Variants in NELL1 observed in about 807,000 individuals in gnomAD.
The protein encoded by NELL1 is neural EGFL like 1.
NELL1 carries 76 observed loss-of-function variants against 107.4 expected under a neutral mutation model. That is an observed-to-expected ratio of 0.71 (90% confidence interval 0.59 to 0.86). NELL1 has a LOEUF of 0.86. Ranked by LOEUF, NELL1 falls within the 40% of genes least tolerant of loss-of-function variation. The pLI is 0.00. For synonymous variants in NELL1, 353 were observed against 341.2 expected (o/e 1.03, Z -0.38); for missense variants, 1,024 against 1,005.5 (o/e 1.02, Z -0.25).
intron 14 of NELL1, among the ~76,000 whole-genome samples, chr11:21,330,986 A>G (rs1208293073): frequency 2.6e-5 from 4 of 151,966 alleles, no homozygotes; most frequent in African/African-American, 9.7e-5. Context: ...ACCCACTCAA[A>G]TCAGTTTTTG....
intron 14 of NELL1, among the ~76,000 whole-genome samples, chr11:21,318,074 T>C (rs1033613161): frequency 2.6e-5 from 4 of 152,166 alleles, no homozygotes; most frequent in Non-Finnish European, 5.9e-5. Flanking sequence ...TATGGTGGTA[T>C]ATGTCAATTG....
chr11:21,351,843 T>C (rs1424002173), intron 14 of NELL1, among the ~76,000 whole-genome samples: 5 of 152,196 alleles, frequency 3.3e-5, no homozygotes, highest in Non-Finnish European at 7.3e-5. Context: ...TATTGAAACC[T>C]AAGTAACATA....
At chr11:21,290,294 G>A (rs1206290237) in intron 14 of NELL1, among the ~76,000 whole-genome samples, 9 of 151,924 alleles carry the variant, frequency 5.9e-5, no homozygotes, top group East Asian at 1.9e-4. Context: ...GCGTGAACCC[G>A]GGAGGTGGAG....
chr11:20,814,229 C>T (rs1226438003), intron 3 of NELL1, among the ~76,000 whole-genome samples: 1 of 152,098 alleles, frequency 6.6e-6, no homozygotes, highest in Non-Finnish European at 1.5e-5. Context: ...CTCCTGACCT[C>T]GTGATCCGCC....
chr11:20,755,550 G>GTTTTTTTTTTTTTT (rs1226891368), intron 2 of NELL1, among the ~76,000 whole-genome samples: 6 of 114,568 alleles, frequency 5.2e-5, no homozygotes, highest in African/African-American at 2.2e-4. Context: ...GTTTTTTTTT[G>GTTTTTTTTTTTTTT]TTTTTGTTTT....
At chr11:20,703,684 A>C (rs1018290891) in intron 2 of NELL1, among the ~76,000 whole-genome samples, 1 of 152,196 alleles carries the variant, frequency 6.6e-6, no homozygotes, top group African/African-American at 2.4e-5. Context: ...AATGTGTCCC[A>C]GAGATTCTGG....
At chr11:21,483,847 T>C (rs1273677419) in intron 15 of NELL1, among the ~76,000 whole-genome samples, 1 of 129,512 alleles carries the variant, frequency 7.7e-6, no homozygotes, top group Non-Finnish European at 1.6e-5. Context: ...AAATTATATA[T>C]AGTATATATA....
intron 15 of NELL1, among the ~76,000 whole-genome samples, chr11:21,373,724 C>A (rs1851405711): frequency 6.6e-6 from 1 of 152,076 alleles, no homozygotes; most frequent in Non-Finnish European, 1.5e-5. Context: ...ATTTCAGTAA[C>A]CTTAAACTTT....
At chr11:20,672,249 G>A (rs927376136) in intron 1 of NELL1, among the ~76,000 whole-genome samples, 1 of 152,188 alleles carries the variant, frequency 6.6e-6, no homozygotes, top group East Asian at 1.9e-4. Context: ...AACAAAGGCT[G>A]GCTTGTGATT....
rs1316194017 is a variant in NELL1 at position 21,290,388 on chromosome 11, A to AAATAAAATAGAT, written c.1549+60936_1549+60937insTAAAATAGATAA. On this transcript the variant is annotated intron_variant, in intron 14 of 19. Transcript: ENST00000357134. ...CATCTCAAAAAATAAATAAATAAAT[A>AAATAAAATAGAT]AAATAAATAGATAAATAAATAAATA... Among the ~76,000 whole-genome samples, 31 of 107,322 alleles carry AAATAAAATAGAT rather than the reference A, an allele frequency of 2.9e-4. 1 individual carries two copies. The highest frequency in any genetic ancestry group is 1.1e-3 in the African/African-American group (29 of 27,586). The allele number at this position is 107,322 out of a possible 152,430, so 70.4% of individuals were successfully genotyped here.
intron 15 of NELL1, among the ~76,000 whole-genome samples, chr11:21,469,836 G>C (rs1043294403): frequency 6.6e-6 from 1 of 152,050 alleles, no homozygotes; most frequent in African/African-American, 2.4e-5. Flanking sequence ...CATTGTACAA[G>C]TATAAGTAGC....
chr11:20,755,865 GTTTTTTTTTTTTTT>G (rs574606148), intron 2 of NELL1, among the ~76,000 whole-genome samples: 20 of 122,064 alleles, frequency 1.6e-4, no homozygotes, highest in Non-Finnish European at 2.5e-4. Flanking sequence ...CAGACCTGCG[GTTTTTTTTTTTTTT>G]TTTTTTTTTT....
intron 2 of NELL1, among the ~76,000 whole-genome samples, chr11:20,777,828 G>A (rs1287910924): frequency 2.0e-5 from 3 of 148,502 alleles, no homozygotes; most frequent in Non-Finnish European, 3.0e-5. Context: ...TGCATTTTTT[G>A]TTTATATGTT....
chr11:21,458,097 C>T (rs1417465935), intron 15 of NELL1, among the ~76,000 whole-genome samples: 4 of 151,952 alleles, frequency 2.6e-5, no homozygotes, highest in Non-Finnish European at 5.9e-5. Flanking sequence ...AGATGGTATC[C>T]GAAGAGAGAC....
At chr11:21,558,399 A>AATATAT (rs58550867) in intron 16 of NELL1, among the ~76,000 whole-genome samples, 28 of 149,490 alleles carry the variant, frequency 1.9e-4, no homozygotes, top group Middle Eastern at 3.4e-3. Flanking sequence ...CAAGCTACAT[A>AATATAT]ATATATATAT....
At chr11:20,781,622 C>T (rs12271562) in intron 2 of NELL1, among the ~76,000 whole-genome samples, 1 of 152,030 alleles carries the variant, frequency 6.6e-6, no homozygotes, top group Non-Finnish European at 1.5e-5. Context: ...CAGTTGATTT[C>T]TAATTGATGA....
intron 15 of NELL1, among the ~76,000 whole-genome samples, chr11:21,381,625 C>T (rs779465058): frequency 2.0e-5 from 3 of 151,826 alleles, no homozygotes; most frequent in African/African-American, 7.2e-5. Flanking sequence ...AGCAGGTAAA[C>T]AGTAAAGCCA....
chr11:21,309,158 C>T (rs1469482994), intron 14 of NELL1, among the ~76,000 whole-genome samples: 2 of 149,876 alleles, frequency 1.3e-5, no homozygotes, highest in Non-Finnish European at 3.0e-5. Flanking sequence ...ATTAAGGTCA[C>T]ATAACAAGCA....
chr11:21,510,487 T>C (rs1469651515), intron 15 of NELL1, among the ~76,000 whole-genome samples: 1 of 152,150 alleles, frequency 6.6e-6, no homozygotes, highest in Non-Finnish European at 1.5e-5. Flanking sequence ...CATTCTCCGG[T>C]TGGGCTGAAA....
Sources: allele counts gnomAD v4.1 joint callset (sites outside exome capture counted in the v4.1 genomes callset), GRCh38; gene constraint gnomAD v4.1.1; transcripts MANE v1.5; gene names NCBI Gene and HGNC (gene_info 2026-07-23, HGNC 2026-07-21).